PTPRM: variants seen among roughly 807,000 people sequenced by gnomAD.
PTPRM encodes protein tyrosine phosphatase receptor type M.
In PTPRM, 47 loss-of-function variants were observed where a neutral mutation model predicts 186.7. That is an observed-to-expected ratio of 0.25 (90% CI 0.20 to 0.32). The LOEUF (loss-of-function observed/expected upper bound fraction) is 0.32, where lower values mean the gene tolerates loss of function less well. PTPRM is among the 10% of genes least tolerant of loss of function. PTPRM has a pLI of 1.00. For missense variants in PTPRM, 1,494 were observed against 1,865.0 expected (o/e 0.80, Z 3.66); for synonymous variants, 668 against 674.9 (o/e 0.99, Z 0.16).
At chr18:7,860,822 C>T (rs1413178768) in intron 2 of PTPRM, among the ~76,000 whole-genome samples, 2 of 152,336 alleles carry the variant, frequency 1.3e-5, no homozygotes, top group East Asian at 1.9e-4. Context: ...TAGAGGCCCA[C>T]TCCCTACTCT....
In PTPRM at chr18:8,144,301, G is replaced by A. The variant is rs115315418; in HGVS notation, c.2300+522G>A. Among the ~76,000 whole-genome samples, 570 of 152,296 alleles carry A rather than the reference G, an allele frequency of 3.7e-3. 4 individuals are homozygous for A. The highest frequency in any genetic ancestry group is 0.013 in the African/African-American group (523 of 41,552). On this transcript the variant is annotated intron_variant, in intron 14 of 32. Coordinates refer to ENST00000580170, the MANE Select transcript of PTPRM (RefSeq NM_001105244.2). ...GAAAAATGCAGCGCGGGAGCAGCTC[G>A]TGTTAGAACAAATCACAGAGCAAGT...
At chr18:8,376,781 CCAAA>C in intron 26 of PTPRM, 184 bp downstream of exon 26, 1 of 698,930 alleles carries the variant, frequency 1.4e-6, no homozygotes, top group Non-Finnish European at 2.1e-6. Flanking sequence ...CATAAACAAA[CCAAA>C]CAAACCCAGG....
chr18:8,053,537 A>T (rs1600277508), intron 7 of PTPRM, among the ~76,000 whole-genome samples: 1 of 152,180 alleles, frequency 6.6e-6, no homozygotes, highest in Non-Finnish European at 1.5e-5. Context: ...TTTCAGCAAC[A>T]CCACACTGTG....
chr18:7,635,517 A>G (rs2038291557), intron 1 of PTPRM, among the ~76,000 whole-genome samples: 1 of 152,190 alleles, frequency 6.6e-6, no homozygotes. Flanking sequence ...GTCATTTATC[A>G]TATTATTGCC....
At chr18:8,114,962 C>T (rs1180057990) in intron 13 of PTPRM, 135 bp downstream of exon 13, 2 of 629,744 alleles carry the variant, frequency 3.2e-6, no homozygotes, top group Non-Finnish European at 5.4e-6. Flanking sequence ...TATATATATG[C>T]ATGAATGCAT....
intron 11 of PTPRM, among the ~76,000 whole-genome samples, chr18:8,112,561 G>A (rs570970423): frequency 2.1e-4 from 32 of 152,226 alleles, no homozygotes; most frequent in Non-Finnish European, 4.4e-4. Context: ...TCAGTTCAGG[G>A]AAGCTGTTGT....
At chr18:8,191,074 G>A (rs1370277418) in intron 14 of PTPRM, among the ~76,000 whole-genome samples, 1 of 152,190 alleles carries the variant, frequency 6.6e-6, no homozygotes, top group Admixed American at 6.5e-5. Flanking sequence ...AGGAAGAAGG[G>A]GTTGGAGGAA....
At chr18:8,357,550 T>C (rs1187869975) in intron 23 of PTPRM, among the ~76,000 whole-genome samples, 1 of 152,144 alleles carries the variant, frequency 6.6e-6, no homozygotes, top group African/African-American at 2.4e-5. Flanking sequence ...TTGGAGAGAA[T>C]GTGGTTTCTT....
chr18:8,369,223 G>A (rs746697485), intron 23 of PTPRM, among the ~76,000 whole-genome samples: 9 of 152,174 alleles, frequency 5.9e-5, no homozygotes, highest in Non-Finnish European at 1.2e-4. Context: ...TGGAAATGCT[G>A]GTTGGGGCCA....
At position 8,343,482 on chromosome 18, in the gene PTPRM, A is replaced by G. The variant is rs1356204356; in HGVS notation, c.3016A>G (p.Ser1006Gly). Residue 1006 changes from serine (S) to glycine (G), a missense_variant, in exon 23 of 33, where the codon AGT becomes GGT. Transcript: ENST00000580170. ...WRMVWHENTA[S>G]IIMVTNLVEV... Reference sequence around the variant, plus strand: ...GATGGTGTGGCACGAAAACACTGCAAGTATCATCATGGTGACCAATCTTGT... The same window carrying G: ...GATGGTGTGGCACGAAAACACTGCAGGTATCATCATGGTGACCAATCTTGT... 6.2e-7 allele frequency: 1 copy of G among 1,614,098 alleles called. No individual in the cohort carries two copies.
intron 14 of PTPRM, among the ~76,000 whole-genome samples, chr18:8,213,911 A>G (rs1484136877): frequency 1.3e-5 from 2 of 152,236 alleles, no homozygotes; most frequent in Non-Finnish European, 2.9e-5. Context: ...TTTATATACC[A>G]TGGACTACTA....
At chr18:8,130,287 G>T (rs1319028371) in intron 13 of PTPRM, among the ~76,000 whole-genome samples, 1 of 152,118 alleles carries the variant, frequency 6.6e-6, no homozygotes, top group Non-Finnish European at 1.5e-5. Context: ...GCTCTCCATG[G>T]TGGAACTGTT....
chr18:8,095,393 C>T (rs920850217), intron 11 of PTPRM, among the ~76,000 whole-genome samples: 1 of 151,938 alleles, frequency 6.6e-6, no homozygotes, highest in Non-Finnish European at 1.5e-5. Flanking sequence ...GACAGGTTGG[C>T]TCCATGAAGA....
intron 2 of PTPRM, among the ~76,000 whole-genome samples, chr18:7,881,538 G>T (rs2048508066): frequency 1.3e-5 from 2 of 152,188 alleles, no homozygotes; most frequent in South Asian, 4.1e-4. Context: ...CAGTTTGAAG[G>T]TAAAAACTTT....
chr18:7,853,279 G>T (rs1030423747), intron 2 of PTPRM, among the ~76,000 whole-genome samples: 2 of 152,218 alleles, frequency 1.3e-5, no homozygotes. Flanking sequence ...GGTGTTTTCT[G>T]TTATCCTTAT....
Position 8,228,442 on chromosome 18 carries a change from A to G in PTPRM, c.2301-15616A>G, listed in dbSNP as rs573882868. On this transcript the variant is annotated intron_variant, in intron 14 of 32. Transcript: ENST00000580170. ...CCAAAGGCTTTTTTCCAGGGCTGTT[A>G]TATTGTCATATGAATAACATTAAAT... Among the ~76,000 whole-genome samples, 3 of 152,310 alleles carry G rather than the reference A, an allele frequency of 2.0e-5. No individual in the cohort carries two copies. The East Asian group carries it at 5.8e-4, about 29-fold the overall frequency.
chr18:7,943,675 C>T (rs890654470), intron 5 of PTPRM, among the ~76,000 whole-genome samples: 1 of 152,122 alleles, frequency 6.6e-6, no homozygotes, highest in African/African-American at 2.4e-5. Flanking sequence ...TTTCCAGATT[C>T]TAGAAACCTC....
intron 2 of PTPRM, among the ~76,000 whole-genome samples, chr18:7,817,846 G>A (rs922122454): frequency 3.9e-5 from 6 of 152,184 alleles, no homozygotes; most frequent in African/African-American, 1.4e-4. Context: ...TAGTCTGACT[G>A]CTGGTCTCCG....
chr18:8,262,253 A>G (rs2094641074), intron 19 of PTPRM, among the ~76,000 whole-genome samples: 1 of 152,012 alleles, frequency 6.6e-6, no homozygotes, highest in Non-Finnish European at 1.5e-5. Context: ...TTGTCTTCCT[A>G]CCTAGTCTTT....
Sources: allele counts gnomAD v4.1 joint callset (sites outside exome capture counted in the v4.1 genomes callset), GRCh38; gene constraint gnomAD v4.1.1; transcripts MANE v1.5; gene names NCBI Gene and HGNC (gene_info 2026-07-23, HGNC 2026-07-21).